Variants in DOCK3 observed in about 807,000 individuals in gnomAD.
DOCK3 encodes the protein dedicator of cytokinesis protein 3.
DOCK3 carries 60 observed loss-of-function variants against 265.6 expected under a neutral mutation model. That is an observed-to-expected ratio of 0.23 (90% CI 0.18 to 0.28). The LOEUF (loss-of-function observed/expected upper bound fraction) is 0.28, where lower values mean the gene tolerates loss of function less well. DOCK3 is among the 10% of genes least tolerant of loss of function. DOCK3 has a pLI of 1.00. For synonymous variants in DOCK3, 881 were observed against 938.0 expected (o/e 0.94, Z 1.11); for missense variants, 1,981 against 2,594.3 (o/e 0.76, Z 5.14).
chr3:51,032,119 C>CGTGTGTGT (rs1199409161), intron 5 of DOCK3, among the ~76,000 whole-genome samples: 68,715 of 148,850 alleles, frequency 0.46, 15,963 homozygotes, highest in African/African-American at 0.52. Flanking sequence ...CCTCCCTCCT[C>CGTGTGTGT]GTGTGTGTGT....
intron 1 of DOCK3, among the ~76,000 whole-genome samples, chr3:50,690,109 C>T (rs1229700905): frequency 4.0e-5 from 6 of 150,220 alleles, no homozygotes; most frequent in Non-Finnish European, 7.4e-5. Flanking sequence ...GCAAAACGTA[C>T]GTAACATAAA....
intron 14 of DOCK3, among the ~76,000 whole-genome samples, chr3:51,215,078 A>G (rs1238738075): frequency 6.6e-6 from 1 of 152,106 alleles, no homozygotes; most frequent in Non-Finnish European, 1.5e-5. Context: ...ATCTGGATAG[A>G]TTCTAGGAGG....
At chr3:50,767,297 A>G (rs180849678) in intron 1 of DOCK3, among the ~76,000 whole-genome samples, 2 of 152,248 alleles carry the variant, frequency 1.3e-5, no homozygotes, top group Admixed American at 6.5e-5. Context: ...ATTTTTGTAT[A>G]AGTTGTAAGG....
chr3:51,220,386 GT>G (rs35138749), intron 14 of DOCK3, among the ~76,000 whole-genome samples: 1 of 152,022 alleles, frequency 6.6e-6, no homozygotes, highest in African/African-American at 2.4e-5. Context: ...GCAGGGTGCG[GT>G]GGCTCACGTG....
At chr3:51,175,575 C>T (rs1217965968) in intron 12 of DOCK3, among the ~76,000 whole-genome samples, 1 of 152,034 alleles carries the variant, frequency 6.6e-6, no homozygotes, top group African/African-American at 2.4e-5. Flanking sequence ...TGCAGGTCTG[C>T]CTCCAGAGGT....
chr3:50,999,356 C>T (rs968029092), intron 5 of DOCK3, among the ~76,000 whole-genome samples: 2 of 152,020 alleles, frequency 1.3e-5, no homozygotes, highest in African/African-American at 4.8e-5. Flanking sequence ...TAGAGTTAGA[C>T]ACTGTGATAG....
chr3:50,734,071 AATG>A (rs1376927084), intron 1 of DOCK3, among the ~76,000 whole-genome samples: 1 of 152,222 alleles, frequency 6.6e-6, no homozygotes, highest in African/African-American at 2.4e-5. Flanking sequence ...ACCATAGAAA[AATG>A]ATAAGTATGT....
At chr3:51,000,133 G>A (rs1437223548) in intron 5 of DOCK3, among the ~76,000 whole-genome samples, 1 of 152,110 alleles carries the variant, frequency 6.6e-6, no homozygotes, top group East Asian at 1.9e-4. Flanking sequence ...AATTTCCCAT[G>A]GAATCTTTCT....
At chr3:51,067,427 T>TTGTATGTGTG (rs1553750451) in intron 6 of DOCK3, among the ~76,000 whole-genome samples, 1 of 144,108 alleles carries the variant, frequency 6.9e-6, no homozygotes, top group Non-Finnish European at 1.5e-5. Flanking sequence ...TGAAATATGT[T>TTGTATGTGTG]TGTGTGTGTG....
At chr3:50,801,849 A>G (rs2043089676) in intron 2 of DOCK3, among the ~76,000 whole-genome samples, 1 of 152,144 alleles carries the variant, frequency 6.6e-6, no homozygotes, top group Non-Finnish European at 1.5e-5. Context: ...ATTTGGGTCT[A>G]ATAGTATTTG....
chr3:51,009,204 C>T (rs1422887231), intron 5 of DOCK3, among the ~76,000 whole-genome samples: 2 of 152,176 alleles, frequency 1.3e-5, no homozygotes, highest in African/African-American at 4.8e-5. Flanking sequence ...ACCCACTCGT[C>T]TTTGTACCTC....
intron 1 of DOCK3, among the ~76,000 whole-genome samples, chr3:50,745,435 A>AT (rs1241933503): frequency 1.3e-5 from 2 of 152,230 alleles, no homozygotes; most frequent in Non-Finnish European, 2.9e-5. Flanking sequence ...ATCCATGAAT[A>AT]TGGAATGTCC....
chr3:50,779,922 A>C (rs2041827191), intron 2 of DOCK3, among the ~76,000 whole-genome samples: 1 of 152,202 alleles, frequency 6.6e-6, no homozygotes, highest in Admixed American at 6.5e-5. Context: ...TACGGCTACA[A>C]GCCATCTCAG....
chr3:51,333,343 T>C, intron 35 of DOCK3, 90 bp downstream of exon 35: 1 of 1,259,594 alleles, frequency 7.9e-7, no homozygotes, highest in South Asian at 1.2e-5. Context: ...TGAGACCATG[T>C]GCTCTTCATG....
intron 9 of DOCK3, among the ~76,000 whole-genome samples, chr3:51,121,377 A>T (rs1281860682): frequency 6.6e-6 from 1 of 152,140 alleles, no homozygotes; most frequent in East Asian, 1.9e-4. Context: ...GGAAATGCAG[A>T]AATCACCCCG....
At chr3:50,982,908 C>G (rs1164902126) in intron 5 of DOCK3, among the ~76,000 whole-genome samples, 1 of 152,168 alleles carries the variant, frequency 6.6e-6, no homozygotes, top group African/African-American at 2.4e-5. Context: ...CCCACTTTCC[C>G]AGGTGCAGGA....
At chr3:51,160,485 T>A in intron 11 of DOCK3, 70 bp from the exon 12 acceptor site, 1 of 1,491,038 alleles carries the variant, frequency 6.7e-7, no homozygotes, top group Non-Finnish European at 8.9e-7. Context: ...CATCCTTGGA[T>A]GACAATTAGG....
intron 2 of DOCK3, among the ~76,000 whole-genome samples, chr3:50,799,652 A>C (rs6446222): frequency 0.77 from 116,694 of 152,030 alleles, 45,735 homozygotes; most frequent in Middle Eastern, 0.88. Flanking sequence ...GTCATCTGCA[A>C]ACAGGGACAG....
At chr3:51,032,612 A>G (rs2080096510) in intron 5 of DOCK3, among the ~76,000 whole-genome samples, 1 of 152,170 alleles carries the variant, frequency 6.6e-6, no homozygotes, top group South Asian at 2.1e-4. Context: ...CTAGATAAAA[A>G]TGAAAAATGT....
Sources: allele counts gnomAD v4.1 joint callset (sites outside exome capture counted in the v4.1 genomes callset), GRCh38; gene constraint gnomAD v4.1.1; transcripts MANE v1.5; gene names NCBI Gene and HGNC (gene_info 2026-07-23, HGNC 2026-07-21).